The following TTC28 variants were observed in gnomAD, a reference collection of about 807,000 sequenced individuals.
The protein encoded by TTC28 is tetratricopeptide repeat domain 28, also known as tetratricopeptide repeat protein 28.
A neutral mutation model predicts 198.0 loss-of-function variants in TTC28; 61 were observed. That is an observed-to-expected ratio of 0.31 (90% CI 0.25 to 0.38). The LOEUF is 0.38. Among genes scored for constraint, TTC28 ranks in the 10% least tolerant of loss-of-function variants. The pLI, the probability that TTC28 is intolerant of heterozygous loss-of-function variation, is 1.00. For synonymous variants in TTC28, 1,171 were observed against 1,297.8 expected, an observed-to-expected ratio of 0.90 and a Z score of 2.10; for missense variants, 2,678 against 3,164.0, an observed-to-expected ratio of 0.85 and a Z score of 3.69.
intron 2 of TTC28, among the ~76,000 whole-genome samples, chr22:28,325,856 G>A (rs1039037401): frequency 2.6e-5 from 4 of 152,136 alleles, no homozygotes; most frequent in African/African-American, 4.8e-5. Context: ...CCAAGTGCTA[G>A]TGAGGACAGA....
chr22:28,512,878 T>C (rs984120461), intron 2 of TTC28, among the ~76,000 whole-genome samples: 2 of 151,674 alleles, frequency 1.3e-5, no homozygotes, highest in Admixed American at 6.6e-5. Flanking sequence ...TTTTTACCTA[T>C]ATAACACCTG....
chr22:28,257,335 A>C (rs1569225327), intron 5 of TTC28, among the ~76,000 whole-genome samples: 1 of 152,204 alleles, frequency 6.6e-6, no homozygotes, highest in Non-Finnish European at 1.5e-5. Flanking sequence ...CAGTAGCCAA[A>C]ATATGGAATC....
At chr22:28,460,662 GATA>G (rs2047937199) in intron 2 of TTC28, among the ~76,000 whole-genome samples, 2 of 139,398 alleles carry the variant, frequency 1.4e-5, no homozygotes, top group East Asian at 4.5e-4. Context: ...TAGATAGATA[GATA>G]GACAGACAGA....
At chr22:27,993,765 C>G (rs1444004140) in intron 17 of TTC28, among the ~76,000 whole-genome samples, 3 of 152,152 alleles carry the variant, frequency 2.0e-5, no homozygotes, top group Non-Finnish European at 4.4e-5. Flanking sequence ...GATTCTGTCC[C>G]TCCCCTAAAC....
In TTC28 at chr22:28,107,717, A is replaced by C; in HGVS notation, c.2128T>G (p.Ser710Ala). The C allele has an allele frequency of 1.3e-6, 2 of 1,551,770 alleles. No homozygotes were observed. The highest frequency in any genetic ancestry group is 2.4e-5 in the East Asian group (1 of 40,916). ...LLSLAQSLNN[S>A]QAKFRALGNL... ...CCTAGGGCTCGAAATTTAGCCTGGG[A>C]ATTATTCAGAGACTGGGCTAGGGAC... Residue 710 changes from serine (S) to alanine (A), a missense_variant, in exon 7 of 23, where the codon TCC becomes GCC. Physicochemically the swap from Ser to Ala is moderately conservative, Grantham distance 99. Coordinates refer to ENST00000397906, the MANE Select transcript of TTC28 (RefSeq NM_001145418.2).
chr22:28,575,631 C>A (rs554351906), intron 2 of TTC28, among the ~76,000 whole-genome samples: 1 of 152,230 alleles, frequency 6.6e-6, no homozygotes, highest in East Asian at 1.9e-4. Context: ...TTGATTCTTC[C>A]AATCCATGTA....
chr22:28,083,067 A>G (rs1941424172), intron 12 of TTC28, among the ~76,000 whole-genome samples: 1 of 151,190 alleles, frequency 6.6e-6, no homozygotes, highest in Non-Finnish European at 1.5e-5. Context: ...ATGGATGATG[A>G]TTCATTTTTT....
intron 2 of TTC28, among the ~76,000 whole-genome samples, chr22:28,619,950 A>G (rs1210644751): frequency 1.3e-5 from 2 of 152,238 alleles, no homozygotes; most frequent in South Asian, 2.1e-4. Context: ...ACAAGACCAC[A>G]TTGAAGATAA....
chr22:28,399,241 G>T (rs1206396936), intron 2 of TTC28, among the ~76,000 whole-genome samples: 1 of 150,582 alleles, frequency 6.6e-6, no homozygotes, highest in African/African-American at 2.4e-5. Flanking sequence ...TTAAATCCCT[G>T]CCTGTATACT....
At chr22:28,389,132 A>G (rs111571197) in intron 2 of TTC28, among the ~76,000 whole-genome samples, 240 of 151,732 alleles carry the variant, frequency 1.6e-3, no homozygotes, top group African/African-American at 5.5e-3. Flanking sequence ...CTGTTTATAT[A>G]CTGGATTACA....
At chr22:28,270,540 A>AC (rs1311715256) in intron 5 of TTC28, among the ~76,000 whole-genome samples, 3 of 151,854 alleles carry the variant, frequency 2.0e-5, no homozygotes, top group Non-Finnish European at 4.4e-5. Context: ...TAAAAAAAAA[A>AC]CCCACAAACT....
chr22:28,649,632 T>C (rs1483412459), intron 1 of TTC28, among the ~76,000 whole-genome samples: 3 of 152,226 alleles, frequency 2.0e-5, no homozygotes, highest in Non-Finnish European at 4.4e-5. Flanking sequence ...TTTGTATCTC[T>C]ACAGTGTTCT....
chr22:28,398,090 C>T (rs559966826), intron 2 of TTC28, among the ~76,000 whole-genome samples: 4 of 152,232 alleles, frequency 2.6e-5, no homozygotes, highest in Non-Finnish European at 5.9e-5. Flanking sequence ...AACATAGGTA[C>T]TGTAAGTTGC....
At chr22:28,579,581 GTA>G (rs138886444) in intron 2 of TTC28, among the ~76,000 whole-genome samples, 1,612 of 147,698 alleles carry the variant, frequency 0.011, 31 homozygotes, top group African/African-American at 0.035. Context: ...GCATGTGTGT[GTA>G]TATATATATA....
chr22:28,388,459 G>T (rs927123021), intron 2 of TTC28, among the ~76,000 whole-genome samples: 1 of 152,148 alleles, frequency 6.6e-6, no homozygotes, highest in Non-Finnish European at 1.5e-5. Flanking sequence ...TCACGATATT[G>T]ATTCTTCCTA....
chr22:28,557,583 C>T (rs945269925), intron 2 of TTC28, among the ~76,000 whole-genome samples: 1 of 152,168 alleles, frequency 6.6e-6, no homozygotes, highest in African/African-American at 2.4e-5. Context: ...TCTCTTGTAT[C>T]TTTAAATATT....
intron 2 of TTC28, among the ~76,000 whole-genome samples, chr22:28,361,253 G>T (rs553621611): frequency 1.3e-5 from 2 of 152,190 alleles, no homozygotes; most frequent in Non-Finnish European, 2.9e-5. Flanking sequence ...TAAAAGCTAG[G>T]CCTCTTGCAC....
chr22:28,463,896 A>G (rs985313514), intron 2 of TTC28, among the ~76,000 whole-genome samples: 7 of 152,134 alleles, frequency 4.6e-5, no homozygotes, highest in Non-Finnish European at 1.0e-4. Flanking sequence ...TGTACCCTAG[A>G]ACTTAAAGTA....
At position 28,502,649 on chromosome 22, in the gene TTC28, A is replaced by C. The variant is rs5997371; in HGVS notation, c.381+126903T>G. The stretch of plus-strand genomic sequence containing the variant: ...GGTGGCAGAGCAAGGCTCCGTCTCA[A>C]AAAAAAAAAGAAAGAAAGAAAACGT... On this transcript the variant is annotated intron_variant, in intron 2 of 22. Coordinates refer to ENST00000397906, the MANE Select transcript of TTC28 (RefSeq NM_001145418.2). 8.2e-3 allele frequency among the ~76,000 whole-genome samples: 1,231 copies of C among 149,618 alleles called. 19 individuals carry two copies. Among genetic ancestry groups the C allele is most frequent in the African/African-American group, 0.028 (1,134 of 40,922 alleles).
Sources: allele counts gnomAD v4.1 joint callset (sites outside exome capture counted in the v4.1 genomes callset), GRCh38; gene constraint gnomAD v4.1.1; transcripts MANE v1.5; gene names NCBI Gene and HGNC (gene_info 2026-07-23, HGNC 2026-07-21).